MAGI1: variants seen among roughly 807,000 people sequenced by gnomAD.
MAGI1 encodes the protein membrane-associated guanylate kinase, WW and PDZ domain-containing protein 1.
A neutral mutation model predicts 139.9 loss-of-function variants in MAGI1; 58 were observed. That is an observed-to-expected ratio of 0.41 (90% CI 0.34 to 0.52). The LOEUF is 0.52. Ranked by LOEUF, MAGI1 falls within the 20% of genes least tolerant of loss-of-function variation. The probability of loss-of-function intolerance (pLI) is 0.12; values close to 1 mark genes in which losing one functional copy is unlikely to be tolerated. For synonymous variants in MAGI1, 812 were observed against 737.9 expected (o/e 1.10, Z -1.63); for missense variants, 1,874 against 1,901.6 (o/e 0.99, Z 0.27).
chr3:65,605,679 A>C (rs982429490), intron 2 of MAGI1, among the ~76,000 whole-genome samples: 4 of 152,164 alleles, frequency 2.6e-5, no homozygotes, highest in Non-Finnish European at 5.9e-5. Context: ...AGAGAGAAAA[A>C]ATAAGTCTAC....
intron 2 of MAGI1, among the ~76,000 whole-genome samples, chr3:65,542,972 G>C (rs2079313128): frequency 6.6e-6 from 1 of 151,926 alleles, no homozygotes; most frequent in Admixed American, 6.6e-5. Flanking sequence ...GCACCCTACA[G>C]AATGGGAGAA....
At chr3:65,622,873 T>C (rs900114779) in intron 1 of MAGI1, among the ~76,000 whole-genome samples, 5 of 152,088 alleles carry the variant, frequency 3.3e-5, no homozygotes, top group South Asian at 2.1e-4. Context: ...GGCCCTACTA[T>C]AGCTTTTTTT....
chr3:65,446,101 A>G (rs955633296), intron 7 of MAGI1, among the ~76,000 whole-genome samples: 8 of 152,204 alleles, frequency 5.3e-5, no homozygotes, highest in African/African-American at 1.7e-4. Flanking sequence ...TCTATAATAT[A>G]GAACACATTC....
intron 21 of MAGI1, 31 bp from the exon 22 acceptor site, chr3:65,361,368 T>C: frequency 6.2e-7 from 1 of 1,610,034 alleles, no homozygotes. Context: ...TAAGTGAGAT[T>C]TGAAATTCAT....
chr3:65,562,582 C>T (rs913923608), intron 2 of MAGI1, among the ~76,000 whole-genome samples: 15 of 152,118 alleles, frequency 9.9e-5, no homozygotes, highest in Admixed American at 2.0e-4. Flanking sequence ...TTGAACTTTT[C>T]GGCTAAAGCA....
intron 1 of MAGI1, among the ~76,000 whole-genome samples, chr3:66,032,330 C>G (rs1012375284): frequency 6.6e-5 from 10 of 151,832 alleles, no homozygotes; most frequent in Non-Finnish European, 1.5e-4. Context: ...TCTGCCTCAG[C>G]CTCCCTAGTG....
At chr3:65,419,233 C>CACACACACACACACACACACACACAT (rs1303506335) in intron 12 of MAGI1, among the ~76,000 whole-genome samples, 94 of 151,732 alleles carry the variant, frequency 6.2e-4, no homozygotes, top group African/African-American at 2.2e-3. Flanking sequence ...CACACACACA[C>CACACACACACACACACACACACACAT]ACACACACAC....
rs1173851172 is a variant in MAGI1, at chr3:65,597,955, G to C, written c.430+24017C>G. ...GGGGGGTGGGACCGAACCCCTTCCT[G>C]GGAGAGCTGGGGGCGCCTCGGCCAC... On this transcript the variant is annotated intron_variant, in intron 2 of 22. Coordinates refer to ENST00000402939, the MANE Select transcript of MAGI1 (RefSeq NM_001033057.2). The C allele has an allele frequency of 2.2e-5, 10 of 454,002 alleles. No individual in the cohort carries two copies. The Admixed American group carries it at 2.4e-4, about 11-fold the overall frequency. 28.1% of individuals were successfully genotyped at this position (454,002 alleles called of 1,614,324 possible). A position where few individuals can be genotyped will look rare whatever the true frequency, so the allele number is the denominator to read the frequency against.
At chr3:65,642,193 C>T (rs1335891772) in intron 1 of MAGI1, among the ~76,000 whole-genome samples, 1 of 152,120 alleles carries the variant, frequency 6.6e-6, no homozygotes, top group African/African-American at 2.4e-5. Flanking sequence ...GTAATTATCT[C>T]GTTGATGGAT....
In MAGI1 at chr3:65,581,844, C is replaced by A. The variant is rs891728971; in HGVS notation, c.430+40128G>T. Among the ~76,000 whole-genome samples the A allele has an allele frequency of 3.9e-5, 6 of 152,282 alleles. No homozygotes were observed. In the East Asian group the frequency reaches 5.8e-4, roughly 15 times the overall value. ...TCCTTATCTAACTCTCCCTTACTGACCTCCAGCTAGAATCTTAAACTCCCT... is the reference window on the plus strand; with the variant it reads ...TCCTTATCTAACTCTCCCTTACTGAACTCCAGCTAGAATCTTAAACTCCCT... On this transcript the variant is annotated intron_variant, in intron 2 of 22. Coordinates refer to ENST00000402939, the MANE Select transcript of MAGI1 (RefSeq NM_001033057.2).
chr3:65,445,536 T>C (rs1263659869), intron 7 of MAGI1, among the ~76,000 whole-genome samples: 3 of 152,208 alleles, frequency 2.0e-5, no homozygotes, highest in Non-Finnish European at 4.4e-5. Context: ...TTGAAAATCA[T>C]GTTCAAAATC....
intron 2 of MAGI1, among the ~76,000 whole-genome samples, chr3:65,553,988 G>A (rs554357390): frequency 3.3e-5 from 5 of 152,226 alleles, no homozygotes; most frequent in African/African-American, 1.2e-4. Flanking sequence ...CCTTTTCTTC[G>A]TTATTGCTCT....
chr3:65,649,850 G>A (rs556920492), intron 1 of MAGI1, among the ~76,000 whole-genome samples: 3 of 152,248 alleles, frequency 2.0e-5, no homozygotes, highest in South Asian at 2.1e-4. Flanking sequence ...TATTGACAAC[G>A]CCTAATGCTG....
chr3:65,548,552 T>G, intron 2 of MAGI1, among the ~76,000 whole-genome samples: 1 of 123,962 alleles, frequency 8.1e-6, no homozygotes. Context: ...AGACGGAGTC[T>G]CTCCCTCTCG....
intron 12 of MAGI1, among the ~76,000 whole-genome samples, chr3:65,421,856 T>C (rs1399029382): frequency 6.6e-6 from 1 of 152,148 alleles, no homozygotes; most frequent in Non-Finnish European, 1.5e-5. Flanking sequence ...TTGCATCCCC[T>C]AACATCCAGT....
intron 1 of MAGI1, among the ~76,000 whole-genome samples, chr3:65,765,245 T>C (rs530310851): frequency 3.9e-5 from 6 of 152,310 alleles, no homozygotes; most frequent in South Asian, 2.1e-4. Context: ...ATCCTACTTA[T>C]AGGTCTGGTT....
chr3:65,622,807 T>C (rs1275134236), intron 1 of MAGI1, among the ~76,000 whole-genome samples: 1 of 152,070 alleles, frequency 6.6e-6, no homozygotes, highest in Non-Finnish European at 1.5e-5. Context: ...CCTCAAGTGA[T>C]CCGCCCGCCT....
At chr3:65,788,054 C>A (rs2039516707) in intron 1 of MAGI1, among the ~76,000 whole-genome samples, 1 of 152,160 alleles carries the variant, frequency 6.6e-6, no homozygotes, top group African/African-American at 2.4e-5. Context: ...TTTACTAGAC[C>A]TTTCTAGGTT....
At chr3:65,690,735 G>A (rs1469073142) in intron 1 of MAGI1, among the ~76,000 whole-genome samples, 1 of 150,806 alleles carries the variant, frequency 6.6e-6, no homozygotes, top group Non-Finnish European at 1.5e-5. Context: ...CTCCCAATGT[G>A]CTGGGATTAC....
Sources: gnomAD v4.1 joint callset for allele counts (sites outside exome capture counted in the v4.1 genomes callset) on GRCh38, gnomAD v4.1.1 for gene constraint, MANE v1.5 for transcripts, NCBI Gene and HGNC (gene_info 2026-07-23, HGNC 2026-07-21) for gene names.